The following NLGN1 variants were observed in gnomAD, a reference collection of about 807,000 sequenced individuals.
The protein encoded by NLGN1 is neuroligin-1.
A neutral mutation model predicts 65.5 loss-of-function variants in NLGN1; 12 were observed. The ratio of observed to expected loss-of-function variants is 0.18; its 90% CI spans 0.12 to 0.30. The LOEUF is 0.30. Among genes scored for constraint, NLGN1 ranks in the 10% least tolerant of loss-of-function variants. NLGN1 has a pLI of 1.00. For synonymous variants in NLGN1, 350 were observed against 359.5 expected (o/e 0.97, Z 0.30); for missense variants, 750 against 1,007.1 (o/e 0.74, Z 3.46).
At chr3:174,145,963 G>A (rs1230898734) in intron 4 of NLGN1, among the ~76,000 whole-genome samples, 1 of 152,228 alleles carries the variant, frequency 6.6e-6, no homozygotes, top group Non-Finnish European at 1.5e-5. Context: ...CATGACTAGT[G>A]TGTGTGCACA....
chr3:174,122,577 C>T (rs1003833200), intron 4 of NLGN1, among the ~76,000 whole-genome samples: 2 of 152,076 alleles, frequency 1.3e-5, no homozygotes, highest in Admixed American at 6.6e-5. Context: ...TCTGTAATAA[C>T]CTCTTCAGGG....
chr3:173,804,589 A>G (rs1716195140), intron 3 of NLGN1, among the ~76,000 whole-genome samples: 2 of 151,726 alleles, frequency 1.3e-5, no homozygotes, highest in Non-Finnish European at 2.9e-5. Flanking sequence ...TTTATTTATA[A>G]AGAGTCTGGT....
intron 4 of NLGN1, among the ~76,000 whole-genome samples, chr3:174,253,761 C>G (rs1359178259): frequency 1.3e-5 from 2 of 152,254 alleles, no homozygotes; most frequent in East Asian, 3.9e-4. Context: ...TTTAATATTT[C>G]CTTCTCTGCT....
At chr3:173,446,592 G>C (rs1276509920) in intron 2 of NLGN1, among the ~76,000 whole-genome samples, 1 of 152,190 alleles carries the variant, frequency 6.6e-6, no homozygotes, top group East Asian at 1.9e-4. Context: ...GTTATGGGAT[G>C]ACTGGGTCAA....
intron 4 of NLGN1, among the ~76,000 whole-genome samples, chr3:174,075,587 G>C (rs182018231): frequency 6.6e-6 from 1 of 152,274 alleles, no homozygotes; most frequent in African/African-American, 2.4e-5. Context: ...AGTGGAGCCA[G>C]ATAGGCACAG....
At chr3:173,419,660 C>T (rs1714602494) in intron 1 of NLGN1, among the ~76,000 whole-genome samples, 1 of 152,084 alleles carries the variant, frequency 6.6e-6, no homozygotes. Flanking sequence ...GATTCAAAGT[C>T]TGTTTTATCT....
chr3:174,079,177 G>A (rs2152545927), intron 4 of NLGN1, among the ~76,000 whole-genome samples: 1 of 151,226 alleles, frequency 6.6e-6, no homozygotes, highest in Middle Eastern at 3.4e-3. Context: ...ACAAGACACT[G>A]AAAAAAATTT....
chr3:174,076,001 CAT>C (rs1056500944), intron 4 of NLGN1, among the ~76,000 whole-genome samples: 1 of 152,080 alleles, frequency 6.6e-6, no homozygotes, highest in African/African-American at 2.4e-5. Flanking sequence ...CTTTATTTTA[CAT>C]ATGTCTGCCT....
At chr3:173,446,752 C>T (rs1720428909) in intron 2 of NLGN1, among the ~76,000 whole-genome samples, 1 of 152,168 alleles carries the variant, frequency 6.6e-6, no homozygotes, top group South Asian at 2.1e-4. Context: ...TAATGATTGC[C>T]ATTCTAACTG....
intron 3 of NLGN1, among the ~76,000 whole-genome samples, chr3:173,704,410 T>C (rs2149900612): frequency 6.6e-6 from 1 of 152,264 alleles, no homozygotes; most frequent in South Asian, 2.1e-4. Flanking sequence ...CACAGTCAGT[T>C]GGGAATTATT....
chr3:174,094,389 C>T (rs527653923), intron 4 of NLGN1, among the ~76,000 whole-genome samples: 146 of 151,768 alleles, frequency 9.6e-4, no homozygotes, highest in African/African-American at 3.3e-3. Context: ...CCTGGTGGGC[C>T]GCATGTGACC....
chr3:174,152,681 C>A (rs1159072992), intron 4 of NLGN1, among the ~76,000 whole-genome samples: 1 of 151,708 alleles, frequency 6.6e-6, no homozygotes, highest in South Asian at 2.1e-4. Context: ...ATTAATAGTA[C>A]TTTGCTTATT....
At chr3:173,567,187 A>G (rs1216610102) in intron 2 of NLGN1, among the ~76,000 whole-genome samples, 1 of 152,168 alleles carries the variant, frequency 6.6e-6, no homozygotes, top group East Asian at 1.9e-4. Flanking sequence ...TAAAACACAT[A>G]CATGTAAGTT....
chr3:174,160,861 C>G (rs578178518), intron 4 of NLGN1, among the ~76,000 whole-genome samples: 54 of 151,310 alleles, frequency 3.6e-4, no homozygotes, highest in Non-Finnish European at 7.7e-4. Context: ...CTATCAAATA[C>G]TAGGTCTTAT....
At chr3:173,667,344 T>C (rs985440171) in intron 3 of NLGN1, among the ~76,000 whole-genome samples, 5 of 152,074 alleles carry the variant, frequency 3.3e-5, no homozygotes, top group Non-Finnish European at 5.9e-5. Context: ...ACAGTAGATA[T>C]GTATACTTCT....
intron 2 of NLGN1, among the ~76,000 whole-genome samples, chr3:173,572,099 C>G (rs1015550990): frequency 5.3e-5 from 8 of 152,174 alleles, no homozygotes; most frequent in African/African-American, 1.9e-4. Context: ...CTATCAGGAT[C>G]CAATTTAAGG....
rs892105272 is a variant in NLGN1, at chr3:173,579,104, G to C, written c.-320-25175G>C. On this transcript the variant is annotated intron_variant, in intron 2 of 6. Transcript: ENST00000457714. Reference sequence around the variant, plus strand: ...TTATTTCTGATTTAAACCCTTTTAAGAGTCCCTCTGTAAATATCTTTTAGC... The same window carrying C: ...TTATTTCTGATTTAAACCCTTTTAACAGTCCCTCTGTAAATATCTTTTAGC... Among the ~76,000 whole-genome samples the C allele has an allele frequency of 4.4e-4, 67 of 152,312 alleles. 1 individual carries two copies. Among genetic ancestry groups the C allele is most frequent in the African/African-American group, 1.5e-3 (63 of 41,566 alleles).
At chr3:173,658,104 A>G (rs1473626346) in intron 3 of NLGN1, among the ~76,000 whole-genome samples, 2 of 152,026 alleles carry the variant, frequency 1.3e-5, no homozygotes, top group African/African-American at 2.4e-5. Context: ...TTTAACAGGC[A>G]TGGTGACAGT....
At chr3:173,836,716 G>A (rs1339006044) in intron 4 of NLGN1, among the ~76,000 whole-genome samples, 2 of 152,060 alleles carry the variant, frequency 1.3e-5, no homozygotes, top group East Asian at 3.9e-4. Context: ...ACTGAGAAAG[G>A]ATATTTTTCA....
Sources: allele counts gnomAD v4.1 joint callset (sites outside exome capture counted in the v4.1 genomes callset), GRCh38; gene constraint gnomAD v4.1.1; transcripts MANE v1.5; gene names NCBI Gene and HGNC (gene_info 2026-07-23, HGNC 2026-07-21).